The following CFAP61 variants were observed in gnomAD, a reference collection of about 807,000 sequenced individuals.
CFAP61 encodes cilia- and flagella-associated protein 61.
Under a neutral mutation model 135.6 loss-of-function variants are expected in CFAP61, and 107 were observed. The observed-to-expected ratio is 0.79, with a 90% CI of 0.67 to 0.93. CFAP61 has a LOEUF of 0.93. Among genes scored for constraint, CFAP61 ranks in the 40% least tolerant of loss-of-function variants. The probability of loss-of-function intolerance (pLI) is 0.00; values close to 1 mark genes in which losing one functional copy is unlikely to be tolerated. For missense variants in CFAP61, 1,507 were observed against 1,556.2 expected (o/e 0.97, Z 0.53); for synonymous variants, 575 against 578.5 (o/e 0.99, Z 0.09).
intron 23 of CFAP61, 78 bp from the exon 24 acceptor site, chr20:20,290,222 C>T: frequency 2.2e-6 from 2 of 904,744 alleles, no homozygotes; most frequent in Non-Finnish European, 3.7e-6. Context: ...ATCTGTTTGT[C>T]CTGTGATGAA....
intron 25 of CFAP61, among the ~76,000 whole-genome samples, chr20:20,336,555 T>C (rs1274181223): frequency 6.6e-6 from 1 of 151,504 alleles, no homozygotes; most frequent in Non-Finnish European, 1.5e-5. Context: ...AGCCCAGGAG[T>C]TTGAGGCTGC....
chr20:20,138,195 T>C (rs188569313), intron 8 of CFAP61, among the ~76,000 whole-genome samples: 161 of 152,282 alleles, frequency 1.1e-3, no homozygotes, highest in African/African-American at 3.7e-3. Context: ...GAGTCTCTTT[T>C]GGAGCTGTGA....
At chr20:20,339,168 C>T (rs1040513214) in intron 25 of CFAP61, among the ~76,000 whole-genome samples, 19 of 152,168 alleles carry the variant, frequency 1.2e-4, no homozygotes, top group Admixed American at 2.6e-4. Context: ...GATTTCTAGA[C>T]GGCAGGCTGT....
intron 19 of CFAP61, among the ~76,000 whole-genome samples, chr20:20,250,411 A>C (rs576919965): frequency 5.3e-4 from 81 of 152,242 alleles, no homozygotes; most frequent in African/African-American, 1.9e-3. Flanking sequence ...TGCAGAGTCC[A>C]GGCTTGTCAG....
chr20:20,195,221 T>C (rs917692819), intron 15 of CFAP61, among the ~76,000 whole-genome samples: 1 of 152,200 alleles, frequency 6.6e-6, no homozygotes, highest in African/African-American at 2.4e-5. Flanking sequence ...CTCGAGGAGC[T>C]TGGCCACAGA....
intron 8 of CFAP61, among the ~76,000 whole-genome samples, chr20:20,109,638 T>G (rs2048660431): frequency 6.6e-6 from 1 of 152,218 alleles, no homozygotes; most frequent in Admixed American, 6.5e-5. Context: ...TCCCAAGTGC[T>G]CGGTCTAAAG....
chr20:20,184,879 A>G (rs2146859762), intron 13 of CFAP61, among the ~76,000 whole-genome samples: 1 of 152,312 alleles, frequency 6.6e-6, no homozygotes, highest in East Asian at 1.9e-4. Flanking sequence ...ATGAGGGACT[A>G]TGTCTGGCAT....
Position 20,285,900 on chromosome 20 carries a change from G to T in CFAP61, c.2797-2709G>T, listed in dbSNP as rs190283023. Reference sequence around the variant, plus strand: ...CTTGCCACTGCCCTCCAGCCTGGGTGACAAAGTGAGACCCTGTCTCAAAAA... The same window carrying T: ...CTTGCCACTGCCCTCCAGCCTGGGTTACAAAGTGAGACCCTGTCTCAAAAA... On this transcript the variant is annotated intron_variant, in intron 22 of 26. Transcript: ENST00000245957. Among the ~76,000 whole-genome samples the T allele has an allele frequency of 1.0e-3, 140 of 135,166 alleles. 2 individuals are homozygous for T. The Middle Eastern group carries it at 0.033, about 32-fold the overall frequency. The allele number at this position is 135,166 out of a possible 152,430, so 88.7% of individuals were successfully genotyped here.
chr20:20,337,585 T>G (rs1275322134), intron 25 of CFAP61, among the ~76,000 whole-genome samples: 1 of 1,564 alleles, frequency 6.4e-4, no homozygotes, highest in Non-Finnish European at 5.7e-3. Flanking sequence ...TGGATAGATG[T>G]GGGTGGATGG....
At chr20:20,260,478 T>C (rs2052070218) in intron 20 of CFAP61, among the ~76,000 whole-genome samples, 1 of 152,258 alleles carries the variant, frequency 6.6e-6, no homozygotes, top group South Asian at 2.1e-4. Flanking sequence ...TAATTCTAGC[T>C]TCAGTTTTGC....
chr20:20,114,142 T>C (rs563760907), intron 8 of CFAP61, among the ~76,000 whole-genome samples: 1 of 150,604 alleles, frequency 6.6e-6, no homozygotes, highest in Admixed American at 6.6e-5. Flanking sequence ...TGGTGACATG[T>C]GCCTGTGGTC....
chr20:20,075,988 A>G (rs1299387039), intron 6 of CFAP61, among the ~76,000 whole-genome samples: 1 of 152,148 alleles, frequency 6.6e-6, no homozygotes, highest in Non-Finnish European at 1.5e-5. Context: ...GTGAATGAGG[A>G]TGCTGTTGAC....
chr20:20,052,880 A>G (rs931630380), intron 1 of CFAP61: 1 of 680,390 alleles, frequency 1.5e-6, no homozygotes, highest in Non-Finnish European at 2.5e-6. Context: ...CTCTGGGTCC[A>G]CGCCCCCTCG....
intron 18 of CFAP61, among the ~76,000 whole-genome samples, chr20:20,242,748 G>T (rs915345000): frequency 7.9e-5 from 12 of 152,194 alleles, no homozygotes; most frequent in Admixed American, 7.2e-4. Context: ...AAGCAGTTTT[G>T]CTCTTAAAAA....
intron 25 of CFAP61, among the ~76,000 whole-genome samples, chr20:20,301,658 A>G (rs1205056168): frequency 6.6e-6 from 1 of 152,170 alleles, no homozygotes; most frequent in Non-Finnish European, 1.5e-5. Context: ...CATTTGTGGC[A>G]GTTTCTGTGA....
At chr20:20,110,006 A>G (rs2048692011) in intron 8 of CFAP61, among the ~76,000 whole-genome samples, 1 of 151,442 alleles carries the variant, frequency 6.6e-6, no homozygotes, top group Non-Finnish European at 1.5e-5. Context: ...TCCCAGGTTC[A>G]AGTGATTCTC....
intron 15 of CFAP61, among the ~76,000 whole-genome samples, chr20:20,192,976 G>A (rs994533397): frequency 3.9e-5 from 6 of 152,036 alleles, no homozygotes; most frequent in African/African-American, 7.3e-5. Flanking sequence ...TAGAGGGCAC[G>A]CTCAGACACA....
intron 26 of CFAP61, among the ~76,000 whole-genome samples, chr20:20,342,993 T>C (rs1358765267): frequency 6.6e-6 from 1 of 152,074 alleles, no homozygotes; most frequent in African/African-American, 2.4e-5. Flanking sequence ...CCCGAGTAGC[T>C]GGGATTACAG....
rs375726023 is a variant in CFAP61 at position 20,346,862 on chromosome 20, A to G, written c.3513+4941A>G. Among the ~76,000 whole-genome samples the G allele has an allele frequency of 3.9e-5, 6 of 152,362 alleles. No individual in the cohort carries two copies. In the East Asian group the frequency reaches 7.7e-4, roughly 20 times the overall value. On this transcript the variant is annotated intron_variant, in intron 26 of 26. Transcript: ENST00000245957. The stretch of plus-strand genomic sequence containing the variant: ...AATGACTAGAACAACCAGACAGAAA[A>G]TCAATAAGGAAATAGATGACTTCAA...
Sources: allele counts gnomAD v4.1 joint callset (sites outside exome capture counted in the v4.1 genomes callset), GRCh38; gene constraint gnomAD v4.1.1; transcripts MANE v1.5; gene names NCBI Gene and HGNC (gene_info 2026-07-23, HGNC 2026-07-21).